Variants in VGLL2 observed in about 807,000 individuals in gnomAD.
VGLL2 encodes transcription cofactor vestigial-like protein 2.
Under a neutral mutation model 27.0 loss-of-function variants are expected in VGLL2, and 18 were observed. The ratio of observed to expected loss-of-function variants is 0.67; its 90% confidence interval spans 0.46 to 0.99. VGLL2 has a LOEUF of 0.99. Ranked by LOEUF, VGLL2 falls within the 50% of genes least tolerant of loss-of-function variation. VGLL2 has a pLI of 0.00. For missense variants in VGLL2, 491 were observed against 452.3 expected (o/e 1.09, Z -0.78); for synonymous variants, 220 against 201.1 (o/e 1.09, Z -0.80).
At chr6:117,268,571 G>A (rs1773119876) in intron 2 of VGLL2, 80 bp downstream of exon 2, 3 of 1,402,956 alleles carry the variant, frequency 2.1e-6, no homozygotes, top group Non-Finnish European at 2.8e-6. Flanking sequence ...CTAAAAACAT[G>A]CAGCTGAAAA....
rs1773111605 is a variant in VGLL2, at chr6:117,268,287, A to G, written c.187A>G (p.Ile63Val). The G allele has an allele frequency of 6.2e-7, 1 of 1,614,218 alleles. No homozygotes were observed. The highest frequency in any genetic ancestry group is 1.1e-5 in the South Asian group (1 of 91,082). ...SSFSSQTPAS[I>V]KEEEGSPEKE... ...ATTTTCCAGCCAAACCCCAGCCAGT[A>G]TAAAAGAGGAAGAAGGCAGCCCAGA... The change falls in exon 2 of 4, where the codon ATA (isoleucine) becomes GTA (valine). Residue 63 changes from isoleucine (I) to valine (V), a missense_variant. By Grantham distance (29) the Ile-to-Val change is conservative (BLOSUM62 3). Transcript: ENST00000326274.
In VGLL2 at chr6:117,268,374, C is replaced by G; in HGVS notation, c.274C>G (p.Gln92Glu). The change falls in exon 2 of 4, where the codon CAG becomes GAG. Residue 92 changes from glutamine (Q) to glutamate (E), a missense_variant. By Grantham distance (29) the Gln-to-Glu change is conservative. Transcript: ENST00000326274. ...CCGCTGCGTCCTCTTCACTTATTTC[C>G]AGGGGGACATCAGCTCCGTGGTGGA... ...NSRCVLFTYF[Q>E]GDISSVVDEH... 1 of 1,614,082 alleles carries G rather than the reference C, an allele frequency of 6.2e-7. No homozygotes were observed. The highest frequency in any genetic ancestry group is 8.5e-7 in the Non-Finnish European group (1 of 1,180,016).
At position 117,270,681 on chromosome 6, in the gene VGLL2, A is replaced by C; in HGVS notation, c.530A>C (p.Tyr177Ser). 1 of 1,543,214 alleles carries C rather than the reference A, an allele frequency of 6.5e-7. No individual in the cohort carries two copies. The stretch of plus-strand genomic sequence containing the variant: ...CTGCCCTTCGCCGCCGCCGACCCCT[A>C]CTCGCCCGCCGCGCTGCATGGCCAC... Reference protein sequence around the residue: ...SELPFAAADPYSPAALHGHLH... With the variant: ...SELPFAAADPSSPAALHGHLH... The change falls in exon 3 of 4, where the codon TAC becomes TCC. Residue 177 changes from tyrosine (Y) to serine (S), a missense_variant. Physicochemically the swap from Tyr to Ser is moderately radical, Grantham distance 144. Coordinates refer to ENST00000326274, the MANE Select transcript of VGLL2 (RefSeq NM_182645.3).
At chr6:117,267,503 TA>T (rs61680852) in intron 1 of VGLL2, among the ~76,000 whole-genome samples, 13,049 of 150,698 alleles carry the variant, frequency 0.087, 1,462 homozygotes, top group African/African-American at 0.26. Context: ...ATAGGGATAA[TA>T]AAAAAAAAAT....
chr6:117,268,441 C>T lies in VGLL2; in HGVS notation c.341C>T (p.Ser114Phe). Reference protein sequence around the residue: ...SRALSQPSSYSPSCTSSKAPR... With the variant: ...SRALSQPSSYFPSCTSSKAPR... The stretch of plus-strand genomic sequence containing the variant: ...GCCCTGAGCCAACCCAGCAGCTACT[C>T]TCCTAGCTGTACCAGCAGCAAAGCA... The change falls in exon 2 of 4, where the codon TCT (serine) becomes TTT (phenylalanine). Residue 114 changes from serine to phenylalanine, a missense_variant. By Grantham distance (155) the Ser-to-Phe change is radical (BLOSUM62 -2). Coordinates refer to ENST00000326274, the MANE Select transcript of VGLL2 (RefSeq NM_182645.3). 6.2e-7 allele frequency: 1 copy of T among 1,614,046 alleles called. No individual in the cohort carries two copies. Among genetic ancestry groups the T allele is most frequent in the Non-Finnish European group, 8.5e-7 (1 of 1,179,962 alleles).
rs1582500068 is a variant in VGLL2 at position 117,270,805 on chromosome 6, C to T, written c.654C>T (p.Ala218=). Residue 218 remains alanine, a synonymous_variant, in exon 3 of 4, where the codon GCC becomes GCT. Coordinates refer to ENST00000326274, the MANE Select transcript of VGLL2 (RefSeq NM_182645.3). ...TGGGCGGCGCCCTCGGCGCCCAGGCCGCCCCCTACCCGCGCCCCGCCGCCG... is the reference window on the plus strand; with the variant it reads ...TGGGCGGCGCCCTCGGCGCCCAGGCTGCCCCCTACCCGCGCCCCGCCGCCG... ...YALGGALGAQ[A]APYPRPAAVH... is the part of the protein sequence containing the mutation. The T allele has an allele frequency of 7.0e-7, 1 of 1,436,808 alleles. No homozygotes were observed. Among genetic ancestry groups the T allele is most frequent in the Non-Finnish European group, 9.1e-7 (1 of 1,098,900 alleles). 89.0% of individuals were successfully genotyped at this position (1,436,808 alleles called of 1,614,324 possible).
chr6:117,270,988 G>A lies in VGLL2; in HGVS notation c.837G>A (p.Ala279=). The change falls in exon 3 of 4, where the codon GCG becomes GCA. Residue 279 remains alanine, a synonymous_variant. Transcript: ENST00000326274. ...GCAAAGGCGAGCCGGCGGGCGCCGC[G>A]TGGGCCGGGCCCGGGGGACCCTTCG... The part of the protein sequence containing the change: ...LSGKGEPAGA[A]WAGPGGPFAS... The A allele has an allele frequency of 8.1e-7, 1 of 1,232,722 alleles. No individual in the cohort carries two copies. Among genetic ancestry groups the A allele is most frequent in the Admixed American group, 4.3e-5 (1 of 23,308 alleles). 76.4% of individuals were successfully genotyped at this position (1,232,722 alleles called of 1,614,324 possible).
chr6:117,268,450 G>C lies in VGLL2; in HGVS notation c.350G>C (p.Cys117Ser). Reference protein sequence around the residue: ...LSQPSSYSPSCTSSKAPRSSG... With the variant: ...LSQPSSYSPSSTSSKAPRSSG... ...CAACCCAGCAGCTACTCTCCTAGCT[G>C]TACCAGCAGCAAAGCACCAAGGAGC... The change falls in exon 2 of 4, where the codon TGT becomes TCT. Residue 117 changes from cysteine (C) to serine (S), a missense_variant. Cys to Ser is a moderately radical substitution (Grantham distance 112, BLOSUM62 -1). Transcript: ENST00000326274. 6.2e-7 allele frequency: 1 copy of C among 1,613,860 alleles called. No homozygotes were observed. The highest frequency in any genetic ancestry group is 8.5e-7 in the Non-Finnish European group (1 of 1,179,848).
At position 117,272,459 on chromosome 6, in the gene VGLL2, C is replaced by A. The variant is rs1326190780; in HGVS notation, c.919C>A (p.Arg307Ser). 1 of 1,614,170 alleles carries A rather than the reference C, an allele frequency of 6.2e-7. No individual in the cohort carries two copies. The part of the protein sequence containing the change: ...GLGLSVDSAR[R>S]YSLCGASLLS Reference sequence around the variant, plus strand: ...CTTCTGATCTTGGTTTGCAGCTCGTCGTTATTCCCTCTGTGGTGCATCCCT... The same window carrying A: ...CTTCTGATCTTGGTTTGCAGCTCGTAGTTATTCCCTCTGTGGTGCATCCCT... Residue 307 changes from arginine to serine, a missense_variant, in exon 4 of 4, where the codon CGT (arginine) becomes AGT (serine). Physicochemically the swap from Arg to Ser is moderately radical, Grantham distance 110 (BLOSUM62 -1). Coordinates refer to ENST00000326274, the MANE Select transcript of VGLL2 (RefSeq NM_182645.3).
rs1452661403 is a variant in VGLL2 at position 117,270,890 on chromosome 6, G to T, written c.739G>T (p.Ala247Ser). The T allele has an allele frequency of 2.3e-6, 3 of 1,283,158 alleles. No individual in the cohort carries two copies. The highest frequency in any genetic ancestry group is 3.4e-5 in the East Asian group (1 of 29,778). The allele number at this position is 1,283,158 out of a possible 1,614,324, so 79.5% of individuals were successfully genotyped here. A position where few individuals can be genotyped will look rare whatever the true frequency, so the allele number is the denominator to read the frequency against. Reference sequence around the variant, plus strand: ...CTATGGGCCGCTGCTGATGCCAGCCGCCTCGGGGCGCCCGGCCCGCCTCGC... The same window carrying T: ...CTATGGGCCGCTGCTGATGCCAGCCTCCTCGGGGCGCCCGGCCCGCCTCGC... ...PRYGPLLMPA[A>S]SGRPARLATA... Residue 247 changes from alanine (A) to serine (S), a missense_variant, in exon 3 of 4, where the codon GCC becomes TCC. Coordinates refer to ENST00000326274, the MANE Select transcript of VGLL2 (RefSeq NM_182645.3).
chr6:117,271,447 G>T (rs1431396964), intron 3 of VGLL2, among the ~76,000 whole-genome samples: 1 of 151,916 alleles, frequency 6.6e-6, no homozygotes, highest in African/African-American at 2.4e-5. Context: ...GCCGAATTAA[G>T]ATGTGCTGTC....
chr6:117,268,237 G>A lies in VGLL2; in HGVS notation c.137G>A (p.Ser46Asn). 6.2e-7 allele frequency: 1 copy of A among 1,614,180 alleles called. No homozygotes were observed. Among genetic ancestry groups the A allele is most frequent in the Non-Finnish European group, 8.5e-7 (1 of 1,180,028 alleles). ...QEAQECNASP[S>N]SSGSGSSSFS... ...GCGCAGGAGTGCAATGCCAGCCCCA[G>A]CAGCAGTGGCAGCGGCAGCTCCTCA... Residue 46 changes from serine to asparagine, a missense_variant, in exon 2 of 4, where the codon AGC becomes AAC. Coordinates refer to ENST00000326274, the MANE Select transcript of VGLL2 (RefSeq NM_182645.3).
At chr6:117,269,772 GTAA>G (rs535709818) in intron 2 of VGLL2, among the ~76,000 whole-genome samples, 79 of 152,130 alleles carry the variant, frequency 5.2e-4, no homozygotes, top group South Asian at 1.5e-3. Flanking sequence ...ACTGACAATA[GTAA>G]TAATAATTAT....
In VGLL2 at chr6:117,272,441, T is replaced by A; in HGVS notation, c.914-13T>A. The A allele has an allele frequency of 6.2e-7, 1 of 1,614,170 alleles. No homozygotes were observed. Among genetic ancestry groups the A allele is most frequent in the South Asian group, 1.1e-5 (1 of 91,074 alleles). Reference sequence around the variant, plus strand: ...GGAGTGGGTTTGTAACAGCTTCTGATCTTGGTTTGCAGCTCGTCGTTATTC... The same window carrying A: ...GGAGTGGGTTTGTAACAGCTTCTGAACTTGGTTTGCAGCTCGTCGTTATTC... On this transcript the variant is annotated splice_polypyrimidine_tract_variant and intron_variant, in intron 3 of 3. Coordinates refer to ENST00000326274, the MANE Select transcript of VGLL2 (RefSeq NM_182645.3).
chr6:117,269,773 T>A (rs1332324309), intron 2 of VGLL2, among the ~76,000 whole-genome samples: 1 of 152,026 alleles, frequency 6.6e-6, no homozygotes, highest in Admixed American at 6.6e-5. Flanking sequence ...CTGACAATAG[T>A]AATAATAATT....
intron 1 of VGLL2, 41 bp downstream of exon 1, chr6:117,265,885 C>T (rs766453613): frequency 1.3e-6 from 2 of 1,577,660 alleles, no homozygotes; most frequent in Non-Finnish European, 1.7e-6. Context: ...GAGTGCGCGC[C>T]CCCCGTTTGC....
chr6:117,269,493 C>T (rs1773137367), intron 2 of VGLL2, among the ~76,000 whole-genome samples: 1 of 152,126 alleles, frequency 6.6e-6, no homozygotes, highest in Non-Finnish European at 1.5e-5. Flanking sequence ...TAGACAAGAT[C>T]CAAAAAACAT....
At chr6:117,269,570 C>T (rs775732611) in intron 2 of VGLL2, among the ~76,000 whole-genome samples, 12 of 152,180 alleles carry the variant, frequency 7.9e-5, no homozygotes, top group Non-Finnish European at 1.6e-4. Context: ...GACTCTTCAC[C>T]ACTTAGAATG....
At chr6:117,268,559 G>C in intron 2 of VGLL2, 68 bp downstream of exon 2, 1 of 1,439,982 alleles carries the variant, frequency 6.9e-7, no homozygotes, top group South Asian at 1.4e-5. Flanking sequence ...ACCTACAGGA[G>C]CCTAAAAACA....
Sources: gnomAD v4.1 joint callset for allele counts (sites outside exome capture counted in the v4.1 genomes callset) on GRCh38, gnomAD v4.1.1 for gene constraint, MANE v1.5 for transcripts, NCBI Gene and HGNC (gene_info 2026-07-23, HGNC 2026-07-21) for gene names.